TGM4: variants seen among roughly 807,000 people sequenced by gnomAD.
TGM4 encodes protein-glutamine gamma-glutamyltransferase 4.
Under a neutral mutation model 76.3 loss-of-function variants are expected in TGM4, and 61 were observed. The ratio of observed to expected loss-of-function variants is 0.80; its 90% CI spans 0.65 to 0.99. The LOEUF is 0.99. TGM4 is among the 50% of genes least tolerant of loss of function. The probability of loss-of-function intolerance (pLI) is 0.00; values close to 1 mark genes in which losing one functional copy is unlikely to be tolerated. For synonymous variants in TGM4, 337 were observed against 329.8 expected (o/e 1.02, Z -0.24); for missense variants, 794 against 843.2 (o/e 0.94, Z 0.72).
At chr3:44,912,218 C>T (rs1700014707) in intron 13 of TGM4, among the ~76,000 whole-genome samples, 1 of 152,172 alleles carries the variant, frequency 6.6e-6, no homozygotes. Flanking sequence ...CAATCTTTTC[C>T]TTTACGGATA....
rs753619116 is a variant in TGM4, at chr3:44,910,302, T to C, written c.1540T>C (p.Leu514=). 2.1e-5 allele frequency: 34 copies of C among 1,614,068 alleles called. No homozygotes were observed. The highest frequency in any genetic ancestry group is 2.0e-4 in the East Asian group (9 of 44,884). The change falls in exon 11 of 14, where the codon TTG becomes CTG. Residue 514 remains leucine, a synonymous_variant. Coordinates refer to ENST00000296125, the MANE Select transcript of TGM4 (RefSeq NM_003241.4). ...CATCTTGGGCTCCTTTGAACTACAG[T>C]TGTACACTGGCAAGAAGATGGCAAA... The part of the protein sequence containing the change: ...VNILGSFELQ[L]YTGKKMAKLC...
At chr3:44,894,877 C>T (rs879453749) in intron 5 of TGM4, among the ~76,000 whole-genome samples, 1 of 152,044 alleles carries the variant, frequency 6.6e-6, no homozygotes, top group Non-Finnish European at 1.5e-5. Context: ...ATCCTCTCCT[C>T]ACACATGAGG....
chr3:44,899,820 C>T lies in TGM4; in HGVS notation c.658-1704C>T, dbSNP rs369149996. On this transcript the variant is annotated intron_variant, in intron 6 of 13. Transcript: ENST00000296125. Reference sequence around the variant, plus strand: ...GAGGACCTACTTCCAGGCTCACTCACCTAGCTGCGAGCAGCCTCAGGTCAG... The same window carrying T: ...GAGGACCTACTTCCAGGCTCACTCATCTAGCTGCGAGCAGCCTCAGGTCAG... 6.2e-4 allele frequency among the ~76,000 whole-genome samples: 95 copies of T among 152,330 alleles called. 2 individuals carry two copies. The highest frequency in any genetic ancestry group is 2.1e-3 in the African/African-American group (88 of 41,576).
chr3:44,903,807 C>A, intron 8 of TGM4, 77 bp from the exon 9 acceptor site: 1 of 1,336,424 alleles, frequency 7.5e-7, no homozygotes. Flanking sequence ...GAAGATGTCT[C>A]TGGCAATTTT....
rs373322264 is a variant in TGM4, at chr3:44,911,177, A to G, written c.1776+50A>G. On this transcript the variant is annotated intron_variant, in intron 12 of 13. Transcript: ENST00000296125. Reference sequence around the variant, plus strand: ...GGCTCCTTCTGCCTGGAAGTTGGCCATGGAGTGTGACGGGGCCCCTAAGAA... The same window carrying G: ...GGCTCCTTCTGCCTGGAAGTTGGCCGTGGAGTGTGACGGGGCCCCTAAGAA... 1.2e-5 allele frequency: 20 copies of G among 1,610,574 alleles called. No individual in the cohort carries two copies. The East Asian group carries it at 2.0e-4, about 16-fold the overall frequency.
chr3:44,907,404 G>A (rs564008239), intron 10 of TGM4, among the ~76,000 whole-genome samples: 3 of 152,106 alleles, frequency 2.0e-5, no homozygotes, highest in Non-Finnish European at 1.5e-5. Context: ...GACTGCTTGA[G>A]CCAGGGAGGT....
At position 44,898,123 on chromosome 3, in the gene TGM4, T is replaced by C. The variant is rs578228031; in HGVS notation, c.657+1307T>C. Among the ~76,000 whole-genome samples, 20 of 151,912 alleles carry C rather than the reference T, an allele frequency of 1.3e-4. No individual in the cohort carries two copies. In the East Asian group the frequency reaches 3.9e-3, roughly 29 times the overall value. On this transcript the variant is annotated intron_variant, in intron 6 of 13. Coordinates refer to ENST00000296125, the MANE Select transcript of TGM4 (RefSeq NM_003241.4). ...GGTGAAACCCCATCTCTACTAAAAA[T>C]ACAAAAAATTAGCTGGGTGTGGTGG...
intron 3 of TGM4, among the ~76,000 whole-genome samples, chr3:44,890,023 A>G (rs966408390): frequency 2.6e-5 from 4 of 152,184 alleles, no homozygotes; most frequent in Non-Finnish European, 5.9e-5. Context: ...CACATTTTAC[A>G]TGGTAGCAGG....
chr3:44,898,751 G>A (rs1348093381), intron 6 of TGM4, among the ~76,000 whole-genome samples: 1 of 152,108 alleles, frequency 6.6e-6, no homozygotes, highest in Non-Finnish European at 1.5e-5. Context: ...CATAAATGCT[G>A]GGGCTCCTGT....
chr3:44,879,360 G>A (rs1004835440), intron 1 of TGM4, among the ~76,000 whole-genome samples: 12 of 150,842 alleles, frequency 8.0e-5, no homozygotes, highest in Middle Eastern at 3.5e-3. Flanking sequence ...AGGCTAGAGT[G>A]CCATGGCGTG....
At chr3:44,883,306 G>A (rs1401691364) in intron 1 of TGM4, among the ~76,000 whole-genome samples, 1 of 152,158 alleles carries the variant, frequency 6.6e-6, no homozygotes, top group East Asian at 1.9e-4. Flanking sequence ...TTTAAGAGTT[G>A]ATTAGGTGAT....
chr3:44,899,351 C>A (rs1195910624), intron 6 of TGM4: 2 of 152,272 alleles, frequency 1.3e-5, no homozygotes, highest in Non-Finnish European at 2.9e-5. Flanking sequence ...GCCCTGCCAG[C>A]CACCTCCTCA....
At chr3:44,879,753 C>T (rs1243203627) in intron 1 of TGM4, among the ~76,000 whole-genome samples, 1 of 151,954 alleles carries the variant, frequency 6.6e-6, no homozygotes, top group African/African-American at 2.4e-5. Flanking sequence ...GCTGGGATTA[C>T]AGGCATGAGC....
chr3:44,880,707 G>A (rs1421287957), intron 1 of TGM4, among the ~76,000 whole-genome samples: 1 of 152,138 alleles, frequency 6.6e-6, no homozygotes, highest in African/African-American at 2.4e-5. Flanking sequence ...GTTGTGACAT[G>A]TTTTTTCTCT....
Position 44,901,827 on chromosome 3 carries a change from G to A in TGM4, c.867G>A (p.Val289=), listed in dbSNP as rs1198739641. 9 of 1,614,170 alleles carry A rather than the reference G, an allele frequency of 5.6e-6. No homozygotes were observed. Among genetic ancestry groups the A allele is most frequent in the Non-Finnish European group, 6.8e-6 (8 of 1,180,024 alleles). Residue 289 remains valine (V), a synonymous_variant, in exon 8 of 14, where the codon GTG becomes GTA. Transcript: ENST00000296125. ...CGTTGGGCATCCCAGCACGCAGTGT[G>A]ACAGGCTTCGATTCAGCTCACGACA... is the stretch of plus-strand genomic sequence containing the variant. ...LRALGIPARS[V]TGFDSAHDTE... is the part of the protein sequence containing the mutation.
intron 1 of TGM4, among the ~76,000 whole-genome samples, chr3:44,882,092 C>T (rs1016570109): frequency 3.5e-4 from 41 of 117,132 alleles, no homozygotes; most frequent in Non-Finnish European, 9.9e-5. Flanking sequence ...GTTGAGGTCT[C>T]ACTTTGTTGC....
At chr3:44,898,556 A>C (rs1303470075) in intron 6 of TGM4, among the ~76,000 whole-genome samples, 1 of 152,220 alleles carries the variant, frequency 6.6e-6, no homozygotes, top group African/African-American at 2.4e-5. Flanking sequence ...ACCACTCTCC[A>C]AAGGTCCACT....
In TGM4 at chr3:44,902,083, T is replaced by A. The variant is rs146704166; in HGVS notation, c.971+152T>A. 1,403 of 1,013,116 alleles carry A rather than the reference T, an allele frequency of 1.4e-3. 46 individuals carry two copies. The East Asian group carries it at 0.037, about 26-fold the overall frequency. 62.8% of individuals were successfully genotyped at this position (1,013,116 alleles called of 1,614,324 possible). ...GCCTTAGCCTCCCAGGTAGCTGTGATTCCAGGTGCAAGCCACCATGCGTGG... is the reference window on the plus strand; with the variant it reads ...GCCTTAGCCTCCCAGGTAGCTGTGAATCCAGGTGCAAGCCACCATGCGTGG... On this transcript the variant is annotated intron_variant, in intron 8 of 13. Transcript: ENST00000296125.
intron 6 of TGM4, among the ~76,000 whole-genome samples, chr3:44,898,879 T>G (rs1401241675): frequency 1.3e-5 from 2 of 152,104 alleles, no homozygotes; most frequent in Non-Finnish European, 1.5e-5. Flanking sequence ...ATGTTCATTC[T>G]CTAGCCCAGG....
Sources: allele counts gnomAD v4.1 joint callset (sites outside exome capture counted in the v4.1 genomes callset), GRCh38; gene constraint gnomAD v4.1.1; transcripts MANE v1.5; gene names NCBI Gene and HGNC (gene_info 2026-07-23, HGNC 2026-07-21).